The following NSL1 variants were observed in gnomAD, a reference collection of about 807,000 sequenced individuals.
NSL1 encodes the protein kinetochore-associated protein NSL1 homolog.
Under a neutral mutation model 25.4 loss-of-function variants are expected in NSL1, and 11 were observed. The ratio of observed to expected loss-of-function variants is 0.43; its 90% CI spans 0.27 to 0.72. NSL1 has a LOEUF of 0.72. Among genes scored for constraint, NSL1 ranks in the 30% least tolerant of loss-of-function variants. NSL1 has a pLI of 0.19. For synonymous variants in NSL1, 118 were observed against 120.6 expected, an observed-to-expected ratio of 0.98 and a Z score of 0.14; for missense variants, 330 against 342.7, an observed-to-expected ratio of 0.96 and a Z score of 0.29.
At position 212,778,393 on chromosome 1, in the gene NSL1, C is replaced by T. The variant is rs528417825; in HGVS notation, c.499+3979G>A. ...AACCCTCTTTAAAAGCGTCAGTTTT[C>T]GCTCTCTCCTCTCTCCTCTCTCTCC... On this transcript the variant is annotated intron_variant, in intron 4 of 5. Transcript: ENST00000366977. Among the ~76,000 whole-genome samples, 297 of 151,962 alleles carry T rather than the reference C, an allele frequency of 2.0e-3. 1 individual carries two copies. The highest frequency in any genetic ancestry group is 3.6e-3 in the Non-Finnish European group (241 of 67,870).
At chr1:212,769,254 A>T (rs529012661) in intron 4 of NSL1, among the ~76,000 whole-genome samples, 1 of 152,322 alleles carries the variant, frequency 6.6e-6, no homozygotes, top group South Asian at 2.1e-4. Flanking sequence ...ACATACAGAT[A>T]CAGGAAGCTC....
rs55760174 is a variant in NSL1, at chr1:212,772,676, CA to C, written c.499+9695del. On this transcript the variant is annotated intron_variant, in intron 4 of 5. Transcript: ENST00000366977. ...TGAGTGACAGAGTGAGACATTGTCTCAAAAAAAGAAAAAAAGAAAGAAAGAA... is the reference window on the plus strand; with the variant it reads ...TGAGTGACAGAGTGAGACATTGTCTCAAAAAAGAAAAAAAGAAAGAAAGAA... 5.2e-3 allele frequency among the ~76,000 whole-genome samples: 782 copies of C among 150,514 alleles called. 5 individuals carry two copies. Among genetic ancestry groups the C allele is most frequent in the African/African-American group, 0.018 (744 of 40,976 alleles).
In NSL1 at chr1:212,732,502, C is replaced by T. The variant is rs1303609500; in HGVS notation, c.*5906G>A. On this transcript the variant is annotated 3_prime_UTR_variant, in exon 6 of 6. Transcript: ENST00000366977. ...TAATTTTGTATTTTTAGTTGTTGGTCAGGCTGGTCTCCAATTCCCAGCCTC... is the reference window on the plus strand; with the variant it reads ...TAATTTTGTATTTTTAGTTGTTGGTTAGGCTGGTCTCCAATTCCCAGCCTC... The T allele has an allele frequency of 2.1e-6, 1 of 487,554 alleles. No individual in the cohort carries two copies. Among genetic ancestry groups the T allele is most frequent in the Non-Finnish European group, 2.7e-6 (1 of 375,210 alleles). The allele number at this position is 487,554 out of a possible 1,614,324, so 30.2% of individuals were successfully genotyped here. A position where few individuals can be genotyped will look rare whatever the true frequency, so the allele number is the denominator to read the frequency against.
intron 1 of NSL1, 83 bp downstream of exon 1, chr1:212,791,447 G>T: frequency 7.7e-7 from 1 of 1,294,656 alleles, no homozygotes; most frequent in Non-Finnish European, 1.1e-6. Context: ...GCCAAGGCCT[G>T]GCGTGGGATC....
Position 212,736,172 on chromosome 1 carries a change from G to A in NSL1, c.*2236C>T. The A allele has an allele frequency of 1.6e-6, 1 of 631,988 alleles. No homozygotes were observed. The highest frequency in any genetic ancestry group is 2.0e-6 in the Non-Finnish European group (1 of 507,156). The allele number at this position is 631,988 out of a possible 1,614,324, so 39.1% of individuals were successfully genotyped here. ...CTCATTTCAGCCTCCTGGGTGGCTG[G>A]GACTACAGGTGTGTGCCATCACACC... On this transcript the variant is annotated 3_prime_UTR_variant, in exon 6 of 6. Transcript: ENST00000366977.
intron 4 of NSL1, among the ~76,000 whole-genome samples, chr1:212,749,048 A>G (rs1055180229): frequency 1.3e-5 from 2 of 152,164 alleles, no homozygotes; most frequent in Admixed American, 6.5e-5. Flanking sequence ...AGTTTATCCT[A>G]TATTTTCCAA....
chr1:212,732,028 A>ATTTTTT lies in NSL1; in HGVS notation c.*6374_*6379dup. 1.1e-6 allele frequency: 1 copy of ATTTTTT among 930,388 alleles called. No individual in the cohort carries two copies. Among genetic ancestry groups the ATTTTTT allele is most frequent in the Non-Finnish European group, 1.3e-6 (1 of 787,022 alleles). The allele number at this position is 930,388 out of a possible 1,614,324, so 57.6% of individuals were successfully genotyped here. A position where few individuals can be genotyped will look rare whatever the true frequency, so the allele number is the denominator to read the frequency against. On this transcript the variant is annotated 3_prime_UTR_variant, in exon 6 of 6. Coordinates refer to ENST00000366977, the MANE Select transcript of NSL1 (RefSeq NM_015471.4). ...TTAGCCTCCCAGTGTAACTGTCCCAATTTTTTTTTTTTTTTTTTACTGAAT... is the reference window on the plus strand; with the variant it reads ...TTAGCCTCCCAGTGTAACTGTCCCAATTTTTTTTTTTTTTTTTTTTTTTTACTGAAT...
At chr1:212,762,457 A>T (rs1659620493) in intron 4 of NSL1, among the ~76,000 whole-genome samples, 1 of 152,208 alleles carries the variant, frequency 6.6e-6, no homozygotes, top group African/African-American at 2.4e-5. Context: ...GACAGATAAG[A>T]GTCAGTGTTA....
intron 4 of NSL1, among the ~76,000 whole-genome samples, chr1:212,779,020 T>C (rs1160441370): frequency 1.4e-5 from 2 of 147,786 alleles, no homozygotes; most frequent in Non-Finnish European, 3.0e-5. Context: ...CCGCCCATCG[T>C]CTGAGATGTG....
At chr1:212,787,492 G>A in intron 2 of NSL1, 67 bp downstream of exon 2, 3 of 1,121,910 alleles carry the variant, frequency 2.7e-6, no homozygotes, top group East Asian at 2.4e-5. Context: ...TTAAAAAACA[G>A]CATTCAAAAC....
At chr1:212,746,099 A>T (rs1658780470) in intron 4 of NSL1, among the ~76,000 whole-genome samples, 2 of 152,254 alleles carry the variant, frequency 1.3e-5, no homozygotes, top group South Asian at 4.1e-4. Flanking sequence ...AAGCCACACG[A>T]ACAAATAAAG....
At chr1:212,784,856 C>T (rs144493765) in intron 2 of NSL1, among the ~76,000 whole-genome samples, 1 of 152,218 alleles carries the variant, frequency 6.6e-6, no homozygotes, top group African/African-American at 2.4e-5. Context: ...GGAAAACTGA[C>T]TGACTGTGAA....
At chr1:212,761,851 TG>T (rs757741449) in intron 4 of NSL1, among the ~76,000 whole-genome samples, 25 of 151,672 alleles carry the variant, frequency 1.6e-4, no homozygotes, top group Middle Eastern at 3.4e-3. Context: ...AAAATACAAT[TG>T]AGAGCTTCAG....
rs1324163091 is a variant in NSL1, at chr1:212,736,640, C to T, written c.*1768G>A. The T allele has an allele frequency of 1.0e-6, 1 of 985,262 alleles. No individual in the cohort carries two copies. The highest frequency in any genetic ancestry group is 1.2e-6 in the Non-Finnish European group (1 of 829,800). 61.0% of individuals were successfully genotyped at this position (985,262 alleles called of 1,614,324 possible). A position where few individuals can be genotyped will look rare whatever the true frequency, so the allele number is the denominator to read the frequency against. ...TATAACTATGGAGTAAAACTTTGGG[C>T]TCTCAAGAGGATTTCAAATCTCAGC... On this transcript the variant is annotated 3_prime_UTR_variant, in exon 6 of 6. Coordinates refer to ENST00000366977, the MANE Select transcript of NSL1 (RefSeq NM_015471.4).
At chr1:212,784,293 A>T in intron 3 of NSL1, 70 bp downstream of exon 3, 2 of 1,065,144 alleles carry the variant, frequency 1.9e-6, no homozygotes, top group Non-Finnish European at 2.7e-6. Context: ...ATCTCCACGT[A>T]GAGCCTTATA....
chr1:212,780,503 AAAAAAAAAAAAAGG>A (rs1660682369), intron 4 of NSL1, among the ~76,000 whole-genome samples: 2 of 135,570 alleles, frequency 1.5e-5, no homozygotes, highest in Middle Eastern at 3.4e-3. Flanking sequence ...TGATCAATAA[AAAAAAAAAAAAAGG>A]AAAAAAAAAA....
chr1:212,758,066 C>G (rs181565636), intron 4 of NSL1, among the ~76,000 whole-genome samples: 2 of 152,290 alleles, frequency 1.3e-5, no homozygotes, highest in East Asian at 3.9e-4. Flanking sequence ...GTGATTTAAA[C>G]TTGTTTCTTA....
intron 4 of NSL1, among the ~76,000 whole-genome samples, chr1:212,771,606 T>A (rs1026390971): frequency 4.2e-5 from 2 of 47,378 alleles, no homozygotes; most frequent in Non-Finnish European, 1.0e-4. Flanking sequence ...ACCTAAAGAC[T>A]CCACCAAAAA....
intron 4 of NSL1, among the ~76,000 whole-genome samples, chr1:212,769,282 T>C (rs1223465265): frequency 1.3e-5 from 2 of 152,304 alleles, no homozygotes; most frequent in East Asian, 1.9e-4. Context: ...TGCAAATAGA[T>C]TGAATCCCAA....
Sources: allele counts gnomAD v4.1 joint callset (sites outside exome capture counted in the v4.1 genomes callset), GRCh38; gene constraint gnomAD v4.1.1; transcripts MANE v1.5; gene names NCBI Gene and HGNC (gene_info 2026-07-23, HGNC 2026-07-21).